PAFAH1B1: variants seen among roughly 807,000 people sequenced by gnomAD.
PAFAH1B1 encodes platelet activating factor acetylhydrolase 1b regulatory subunit 1, also known as platelet-activating factor acetylhydrolase IB subunit beta.
In PAFAH1B1, 2 loss-of-function variants were observed where a neutral mutation model predicts 57.5. The ratio of observed to expected loss-of-function variants is 0.03; its 90% CI spans 0.01 to 0.11. PAFAH1B1 has a LOEUF of 0.11. PAFAH1B1 is among the 10% of genes least tolerant of loss of function. The pLI, the probability that PAFAH1B1 is intolerant of heterozygous loss-of-function variation, is 1.00. For missense variants in PAFAH1B1, 257 were observed against 512.0 expected (o/e 0.50, Z 4.81); for synonymous variants, 152 against 169.6 (o/e 0.90, Z 0.81).
intron 2 of PAFAH1B1, among the ~76,000 whole-genome samples, chr17:2,651,045 TTTTCA>T (rs1466940039): frequency 6.6e-6 from 1 of 152,186 alleles, no homozygotes; most frequent in Non-Finnish European, 1.5e-5. Context: ...GACCTTTTTG[TTTTCA>T]TTTCTTTTTA....
chr17:2,680,741 A>T (rs954147330), intron 10 of PAFAH1B1: 3 of 269,100 alleles, frequency 1.1e-5, no homozygotes, highest in Non-Finnish European at 2.2e-5. Flanking sequence ...TATCATCTGG[A>T]CTTGAATCTG....
chr17:2,668,392 C>T (rs1332447715), intron 5 of PAFAH1B1, among the ~76,000 whole-genome samples: 1 of 151,778 alleles, frequency 6.6e-6, no homozygotes, highest in African/African-American at 2.4e-5. Context: ...AAGAAATAAA[C>T]ACTGAAATTA....
At chr17:2,677,386 A>G (rs1327630611) in intron 9 of PAFAH1B1, among the ~76,000 whole-genome samples, 9 of 152,190 alleles carry the variant, frequency 5.9e-5, no homozygotes, top group East Asian at 3.8e-4. Context: ...GGACATTCCT[A>G]TGTGCCTAAA....
intron 2 of PAFAH1B1, among the ~76,000 whole-genome samples, chr17:2,650,096 C>T (rs2068828299): frequency 6.6e-6 from 1 of 152,168 alleles, no homozygotes; most frequent in Non-Finnish European, 1.5e-5. Context: ...AGAAAGGCCT[C>T]AAAACAGGCC....
At position 2,685,528 on chromosome 17, in the gene PAFAH1B1, CTG is replaced by C. The variant is rs1426296499; in HGVS notation, c.*3730_*3731del. On this transcript the variant is annotated 3_prime_UTR_variant, in exon 11 of 11. Transcript: ENST00000397195. ...TACAGTAAGATTTGTTGCTCTCAGA[CTG>C]TGTAAAACAAAATTTATTCATGTTT... The C allele has an allele frequency of 1.3e-5, 2 of 151,864 alleles. No homozygotes were observed. Among genetic ancestry groups the C allele is most frequent in the Non-Finnish European group, 2.9e-5 (2 of 67,952 alleles). The allele number at this position is 151,864 out of a possible 1,614,324, so 9.4% of individuals were successfully genotyped here.
chr17:2,656,347 G>A (rs528172569), intron 2 of PAFAH1B1, among the ~76,000 whole-genome samples: 1 of 152,214 alleles, frequency 6.6e-6, no homozygotes, highest in South Asian at 2.1e-4. Flanking sequence ...CTACTCAGGA[G>A]GCTGAAGCAG....
At chr17:2,671,546 T>TA (rs1239061594) in intron 6 of PAFAH1B1, among the ~76,000 whole-genome samples, 3 of 151,402 alleles carry the variant, frequency 2.0e-5, no homozygotes, top group Non-Finnish European at 2.9e-5. Context: ...AGCTGTAACT[T>TA]TAAAAAGAGT....
chr17:2,671,883 A>G (rs1047241215), intron 6 of PAFAH1B1, among the ~76,000 whole-genome samples: 22 of 152,214 alleles, frequency 1.4e-4, no homozygotes, highest in African/African-American at 5.3e-4. Context: ...GATTACAGGC[A>G]TGAACCACTG....
chr17:2,672,593 T>C (rs2069199171), intron 6 of PAFAH1B1, 62 bp from the exon 7 acceptor site: 2 of 1,107,648 alleles, frequency 1.8e-6, no homozygotes, highest in East Asian at 2.4e-5. Context: ...CCATGGTCAA[T>C]TGATGTTTCA....
At chr17:2,647,010 T>A (rs1174455987) in intron 2 of PAFAH1B1, among the ~76,000 whole-genome samples, 1 of 151,664 alleles carries the variant, frequency 6.6e-6, no homozygotes, top group Non-Finnish European at 1.5e-5. Flanking sequence ...GGTGGGTGGA[T>A]CTCTTGAGTC....
In PAFAH1B1 at chr17:2,623,268, T is replaced by C. The variant is rs934775231; in HGVS notation, c.-190-14831T>C. Among the ~76,000 whole-genome samples, 1,160 of 147,318 alleles carry C rather than the reference T, an allele frequency of 7.9e-3. 8 individuals are homozygous for C. The highest frequency in any genetic ancestry group is 0.012 in the Admixed American group (186 of 14,930). ...AAAATGGGTTTTTCCTTTCTTTTTTTTTTTTTTTTTTTTTTCCCTGAGAGG... is the reference window on the plus strand; with the variant it reads ...AAAATGGGTTTTTCCTTTCTTTTTTCTTTTTTTTTTTTTTTCCCTGAGAGG... On this transcript the variant is annotated intron_variant, in intron 1 of 10. Transcript: ENST00000397195.
chr17:2,681,139 C>T (rs995418759), intron 10 of PAFAH1B1: 1 of 152,792 alleles, frequency 6.5e-6, no homozygotes. Flanking sequence ...AGGTCAGAAA[C>T]AGAGCAGGTC....
rs2069414211 is a variant in PAFAH1B1, at chr17:2,683,290, TTAGCTAAC to T, written c.*1489_*1496del. 1 of 152,144 alleles carries T rather than the reference TTAGCTAAC, an allele frequency of 6.6e-6. No individual in the cohort carries two copies. Among genetic ancestry groups the T allele is most frequent in the South Asian group, 2.1e-4 (1 of 4,836 alleles). 9.4% of individuals were successfully genotyped at this position (152,144 alleles called of 1,614,324 possible). On this transcript the variant is annotated 3_prime_UTR_variant, in exon 11 of 11. Coordinates refer to ENST00000397195, the MANE Select transcript of PAFAH1B1 (RefSeq NM_000430.4). ...AGTTATTAATAAAGAATTCCATTGC[TTAGCTAAC>T]CAACAGGTTTTTTTTGTTTCCAAGA...
intron 2 of PAFAH1B1, chr17:2,659,586 A>G (rs1025897792): frequency 6.1e-6 from 1 of 164,544 alleles, no homozygotes; most frequent in African/African-American, 2.5e-5. Context: ...TAATCCCAGC[A>G]CTGGGAGGCC....
intron 1 of PAFAH1B1, among the ~76,000 whole-genome samples, chr17:2,602,393 T>G (rs905294359): frequency 3.1e-4 from 47 of 152,336 alleles, no homozygotes; most frequent in African/African-American, 1.1e-3. Flanking sequence ...CCAAAGTTCT[T>G]AGAAGAATAT....
intron 2 of PAFAH1B1, among the ~76,000 whole-genome samples, chr17:2,656,317 G>A (rs2068935816): frequency 6.6e-6 from 1 of 152,120 alleles, no homozygotes; most frequent in Non-Finnish European, 1.5e-5. Context: ...CATCATGGTG[G>A]CATGTGCCTG....
rs764519686 is a variant in PAFAH1B1, at chr17:2,626,553, TCCCCCCCCCC to T, written c.-190-11537_-190-11528del. Among the ~76,000 whole-genome samples, 26 of 32,732 alleles carry T rather than the reference TCCCCCCCCCC, an allele frequency of 7.9e-4. 2 individuals are homozygous for T. The highest frequency in any genetic ancestry group is 1.1e-3 in the African/African-American group (12 of 10,546). The allele number at this position is 32,732 out of a possible 152,430, so 21.5% of individuals were successfully genotyped here. On this transcript the variant is annotated intron_variant, in intron 1 of 10. Transcript: ENST00000397195. ...AAACTTGAACCGGCATCACCTTTCT[TCCCCCCCCCC>T]CCCCCCCCGAGGCGGAGTCTTGTTC... is the stretch of plus-strand genomic sequence containing the variant.
chr17:2,637,980 A>C, intron 1 of PAFAH1B1, 119 bp from the exon 2 acceptor site: 1 of 431,766 alleles, frequency 2.3e-6, no homozygotes, highest in Non-Finnish European at 4.1e-6. Flanking sequence ...GAAAATCATC[A>C]TCTAATATTT....
At chr17:2,677,856 A>AAAT (rs1555527504) in intron 9 of PAFAH1B1, among the ~76,000 whole-genome samples, 1 of 149,850 alleles carries the variant, frequency 6.7e-6, no homozygotes, top group Admixed American at 6.7e-5. Context: ...TCCGCCTCAA[A>AAAT]AAATAAATAA....
Sources: allele counts gnomAD v4.1 joint callset (sites outside exome capture counted in the v4.1 genomes callset), GRCh38; gene constraint gnomAD v4.1.1; transcripts MANE v1.5; gene names NCBI Gene and HGNC (gene_info 2026-07-23, HGNC 2026-07-21).